The following RASSF8 variants were observed in gnomAD, a reference collection of about 807,000 sequenced individuals.
RASSF8 encodes ras association domain-containing protein 8.
A neutral mutation model predicts 48.5 loss-of-function variants in RASSF8; 22 were observed. The ratio of observed to expected loss-of-function variants is 0.45; its 90% CI spans 0.32 to 0.65. RASSF8 has a LOEUF of 0.65. Among genes scored for constraint, RASSF8 ranks in the 30% least tolerant of loss-of-function variants. RASSF8 has a pLI of 0.03. For missense variants in RASSF8, 418 were observed against 489.2 expected (o/e 0.85, Z 1.37); for synonymous variants, 127 against 171.5 (o/e 0.74, Z 2.03).
chr12:26,035,130 C>T (rs1943105624), intron 2 of RASSF8, among the ~76,000 whole-genome samples: 1 of 151,982 alleles, frequency 6.6e-6, no homozygotes, highest in African/African-American at 2.4e-5. Flanking sequence ...CTCTTCTAGG[C>T]TGTACTAAGG....
At chr12:26,059,310 T>C (rs1051373801) in intron 3 of RASSF8, among the ~76,000 whole-genome samples, 4 of 152,226 alleles carry the variant, frequency 2.6e-5, no homozygotes. Context: ...ACTTTGATAC[T>C]TGGTGTCATT....
At chr12:26,066,031 A>G (rs1943866007) in intron 4 of RASSF8, among the ~76,000 whole-genome samples, 1 of 152,262 alleles carries the variant, frequency 6.6e-6, no homozygotes, top group South Asian at 2.1e-4. Context: ...AGTCTGTATC[A>G]GATGGGACGA....
intron 2 of RASSF8, among the ~76,000 whole-genome samples, chr12:26,000,982 C>CTTTTTT (rs34793650): frequency 9.9e-5 from 8 of 81,046 alleles, no homozygotes; most frequent in East Asian, 7.8e-4. Flanking sequence ...TTAAAATTTC[C>CTTTTTT]TTTTTTTTTT....
At chr12:26,019,783 G>A (rs892254796) in intron 2 of RASSF8, among the ~76,000 whole-genome samples, 1 of 151,962 alleles carries the variant, frequency 6.6e-6, no homozygotes, top group South Asian at 2.1e-4. Flanking sequence ...TCCTTTAAAG[G>A]AATGTTTGGA....
chr12:25,959,732 G>A (rs574119083), intron 1 of RASSF8: 1 of 152,298 alleles, frequency 6.6e-6, no homozygotes, highest in South Asian at 2.1e-4. Context: ...CACAAAGCCG[G>A]AAGATTCAAC....
chr12:26,051,766 T>C (rs1438354870), intron 2 of RASSF8, among the ~76,000 whole-genome samples: 1 of 152,214 alleles, frequency 6.6e-6, no homozygotes, highest in South Asian at 2.1e-4. Flanking sequence ...ATAAACTATC[T>C]GGAGGTGGGC....
At chr12:25,983,671 A>G (rs1249463473) in intron 1 of RASSF8, among the ~76,000 whole-genome samples, 1 of 152,324 alleles carries the variant, frequency 6.6e-6, no homozygotes, top group South Asian at 2.1e-4. Context: ...AGCATAGTTC[A>G]GAGCACTTTG....
intron 1 of RASSF8, among the ~76,000 whole-genome samples, chr12:25,964,035 G>A (rs1249693844): frequency 1.3e-5 from 2 of 152,188 alleles, no homozygotes; most frequent in Non-Finnish European, 2.9e-5. Flanking sequence ...CCTGAGAGGG[G>A]CACACCAGGT....
intron 1 of RASSF8, among the ~76,000 whole-genome samples, chr12:25,965,744 T>A (rs938609059): frequency 2.0e-5 from 3 of 152,232 alleles, no homozygotes; most frequent in Non-Finnish European, 2.9e-5. Flanking sequence ...ATAGAGTAGT[T>A]CAAATTTTCT....
chr12:26,014,318 T>G (rs1942596259), intron 2 of RASSF8, among the ~76,000 whole-genome samples: 1 of 152,238 alleles, frequency 6.6e-6, no homozygotes, highest in African/African-American at 2.4e-5. Flanking sequence ...AGCATCACAT[T>G]CTTGGCATGT....
chr12:25,987,238 A>G (rs943611015), intron 1 of RASSF8, among the ~76,000 whole-genome samples: 1 of 152,136 alleles, frequency 6.6e-6, no homozygotes, highest in Non-Finnish European at 1.5e-5. Context: ...CTGGCCCAGG[A>G]TTGAACTCTT....
At chr12:26,001,124 A>T (rs745787589) in intron 2 of RASSF8, among the ~76,000 whole-genome samples, 1 of 151,086 alleles carries the variant, frequency 6.6e-6, no homozygotes, top group African/African-American at 2.4e-5. Flanking sequence ...AGCTGGGACT[A>T]CAAGTGCATT....
Position 25,995,021 on chromosome 12 carries a change from C to G in RASSF8, c.-202-16C>G, listed in dbSNP as rs1156603143. 1 of 152,120 alleles carries G rather than the reference C, an allele frequency of 6.6e-6. No homozygotes were observed. Among genetic ancestry groups the G allele is most frequent in the Non-Finnish European group, 1.5e-5 (1 of 68,020 alleles). The allele number at this position is 152,120 out of a possible 1,614,324, so 9.4% of individuals were successfully genotyped here. On this transcript the variant is annotated splice_polypyrimidine_tract_variant and intron_variant, in intron 1 of 5. Transcript: ENST00000689635. ...CAAATTAGCCAGGACTGTAAGAACC[C>G]TATGTACCTTTGCAGGTGCCTGTGT... is the stretch of plus-strand genomic sequence containing the variant.
intron 1 of RASSF8, among the ~76,000 whole-genome samples, chr12:25,981,616 C>T (rs910328955): frequency 2.6e-5 from 4 of 152,144 alleles, no homozygotes; most frequent in African/African-American, 9.7e-5. Context: ...GTATGGTCAC[C>T]CTGCATAATG....
Position 26,000,434 on chromosome 12 carries a change from C to CA in RASSF8, c.-109+5305dup, listed in dbSNP as rs545860651. Among the ~76,000 whole-genome samples the CA allele has an allele frequency of 3.3e-5, 5 of 152,142 alleles. No individual in the cohort carries two copies. The East Asian group carries it at 9.6e-4, about 29-fold the overall frequency. On this transcript the variant is annotated intron_variant, in intron 2 of 5. Coordinates refer to ENST00000689635, the MANE Select transcript of RASSF8 (RefSeq NM_001394098.1). ...TTTGCTTATATCATGTACAAAAAGG[C>CA]AGTCACCTGGGGAAAATATTCAAGT...
chr12:26,019,761 A>G (rs1942744603), intron 2 of RASSF8, among the ~76,000 whole-genome samples: 1 of 152,208 alleles, frequency 6.6e-6, no homozygotes, highest in Non-Finnish European at 1.5e-5. Flanking sequence ...TAGCCCCAGT[A>G]GGAGTTATTT....
intron 2 of RASSF8, chr12:26,052,730 G>A (rs1377895071): frequency 6.6e-6 from 1 of 152,184 alleles, no homozygotes; most frequent in African/African-American, 2.4e-5. Flanking sequence ...GGGTTTTCCA[G>A]ATATTGGATC....
At chr12:26,037,987 C>T (rs1943187255) in intron 2 of RASSF8, among the ~76,000 whole-genome samples, 1 of 152,238 alleles carries the variant, frequency 6.6e-6, no homozygotes, top group East Asian at 1.9e-4. Flanking sequence ...GGCTGAGTGC[C>T]TGTGCTGTGT....
At chr12:26,026,593 G>C (rs905074908) in intron 2 of RASSF8, among the ~76,000 whole-genome samples, 5 of 152,056 alleles carry the variant, frequency 3.3e-5, no homozygotes, top group Non-Finnish European at 7.4e-5. Context: ...ACACCACCAT[G>C]CCCGGCTAAT....
Sources: gnomAD v4.1 joint callset for allele counts (sites outside exome capture counted in the v4.1 genomes callset) on GRCh38, gnomAD v4.1.1 for gene constraint, MANE v1.5 for transcripts, NCBI Gene and HGNC (gene_info 2026-07-23, HGNC 2026-07-21) for gene names.